The following TLE2 variants were observed in gnomAD, a reference collection of about 807,000 sequenced individuals.
TLE2 encodes transducin-like enhancer protein 2.
Under a neutral mutation model 97.2 loss-of-function variants are expected in TLE2, and 74 were observed. That is an observed-to-expected ratio of 0.76 (90% CI 0.63 to 0.92). The LOEUF is 0.92. TLE2 is among the 40% of genes least tolerant of loss of function. The probability of loss-of-function intolerance (pLI) is 0.00; values close to 1 mark genes in which losing one functional copy is unlikely to be tolerated. For missense variants in TLE2, 1,038 were observed against 1,008.7 expected (o/e 1.03, Z -0.39); for synonymous variants, 499 against 432.1 (o/e 1.15, Z -1.92).
chr19:3,021,139 A>C, intron 5 of TLE2, among the ~76,000 whole-genome samples: 1 of 126,924 alleles, frequency 7.9e-6, no homozygotes, highest in African/African-American at 3.0e-5. Flanking sequence ...GAGCGTGGTG[A>C]CTCACACCTG....
At chr19:2,998,042 A>ACCTCCCGTTCCTG in intron 19 of TLE2, 87 bp from the exon 20 acceptor site, 1 of 918,200 alleles carries the variant, frequency 1.1e-6, no homozygotes, top group Non-Finnish European at 1.7e-6. Context: ...CGGAGTCAGG[A>ACCTCCCGTTCCTG]ACGGGAGGTC....
Position 3,005,601 on chromosome 19 carries a change from C to G in TLE2, c.1749-17G>C. The G allele has an allele frequency of 3.7e-6, 6 of 1,612,474 alleles. No homozygotes were observed. The highest frequency in any genetic ancestry group is 5.1e-6 in the Non-Finnish European group (6 of 1,179,276). The stretch of plus-strand genomic sequence containing the variant: ...TGGAACTGCCTGGAGGGAGAAGGGC[C>G]CAGGCGTCCATCCTGGAATTCGAGC... On this transcript the variant is annotated splice_polypyrimidine_tract_variant and intron_variant, in intron 16 of 19. Coordinates refer to ENST00000262953, the MANE Select transcript of TLE2 (RefSeq NM_003260.5).
In TLE2 at chr19:3,013,779, A is replaced by AG; in HGVS notation, c.762dup (p.Cys255LeufsTer24). 2 of 1,558,052 alleles carry AG rather than the reference A, an allele frequency of 1.3e-6. No homozygotes were observed. Among genetic ancestry groups the AG allele is most frequent in the South Asian group, 1.2e-5 (1 of 82,678 alleles). On this transcript the variant is annotated frameshift_variant, in exon 11 of 20. Coordinates refer to ENST00000262953, the MANE Select transcript of TLE2 (RefSeq NM_003260.5). LOFTEE classifies it high-confidence loss of function. ...GGAATGCAGATGGGTACCTTTCCGC[A>AG]GGGGGTGGTAGCCGGGCTGGGGGGC...
Position 3,006,274 on chromosome 19 carries a change from T to C in TLE2, c.1500+146A>G, listed in dbSNP as rs925017310. 5.7e-5 allele frequency: 75 copies of C among 1,326,376 alleles called. No individual in the cohort carries two copies. The South Asian group carries it at 8.4e-4, about 15-fold the overall frequency. The allele number at this position is 1,326,376 out of a possible 1,614,324, so 82.2% of individuals were successfully genotyped here. A position where few individuals can be genotyped will look rare whatever the true frequency, so the allele number is the denominator to read the frequency against. On this transcript the variant is annotated intron_variant, in intron 15 of 19. Transcript: ENST00000262953. ...CCTTTGGCCTGCAAGCCTTGTCCCA[T>C]GCGACTACGAGCTCCGCCCCTCACC...
rs750921334 is a variant in TLE2, at chr19:3,015,660, C to G, written c.671G>C (p.Gly224Ala). Residue 224 changes from glycine to alanine, a missense_variant, in exon 9 of 20, where the codon GGA becomes GCA. Gly to Ala is a moderately conservative substitution (Grantham distance 60, BLOSUM62 0). Transcript: ENST00000262953. ...GCACCTGCCCCCACTCACATAAGGT[C>G]CTGATGGCTCCTTCTCATCTGCTCT... ...KQRADEKEPS[G>A]PYESDEDKSD... The G allele has an allele frequency of 6.2e-7, 1 of 1,607,598 alleles. No individual in the cohort carries two copies. The highest frequency in any genetic ancestry group is 1.7e-5 in the Admixed American group (1 of 59,248).
At chr19:3,016,348 G>A (rs796398010) in intron 8 of TLE2, among the ~76,000 whole-genome samples, 17 of 149,164 alleles carry the variant, frequency 1.1e-4, no homozygotes, top group African/African-American at 4.1e-4. Flanking sequence ...GGCCGAGGCG[G>A]GCGGATCACA....
intron 18 of TLE2, among the ~76,000 whole-genome samples, chr19:3,001,193 A>C (rs2089349969): frequency 6.6e-6 from 1 of 151,712 alleles, no homozygotes; most frequent in Non-Finnish European, 1.5e-5. Flanking sequence ...GAATCGCTTG[A>C]ACCCAGGACG....
Position 3,002,376 on chromosome 19 carries a change from A to T in TLE2, c.2024T>A (p.Leu675Gln). 1 of 1,613,412 alleles carries T rather than the reference A, an allele frequency of 6.2e-7. No individual in the cohort carries two copies. Among genetic ancestry groups the T allele is most frequent in the Non-Finnish European group, 8.5e-7 (1 of 1,179,734 alleles). ...ACCGCAGGAGGCAAACTTCAGGGAC[A>T]GCACGCAGCTCTCGTGGAGGTGCAG... ...YQLHLHESCV[L>Q]SLKFASCGRW... The change falls in exon 18 of 20, where the codon CTG becomes CAG. Residue 675 changes from leucine (L) to glutamine (Q), a missense_variant. By Grantham distance (113) the Leu-to-Gln change is moderately radical. Coordinates refer to ENST00000262953, the MANE Select transcript of TLE2 (RefSeq NM_003260.5).
intron 8 of TLE2, among the ~76,000 whole-genome samples, chr19:3,017,590 A>G (rs1004863823): frequency 6.6e-6 from 1 of 151,476 alleles, no homozygotes; most frequent in Non-Finnish European, 1.5e-5. Context: ...AGCTGACACA[A>G]CAGGCATGGA....
intron 12 of TLE2, among the ~76,000 whole-genome samples, chr19:3,010,416 C>A (rs904619444): frequency 6.6e-6 from 1 of 151,906 alleles, no homozygotes; most frequent in African/African-American, 2.4e-5. Context: ...CCATTAACAT[C>A]TCAGAAACAT....
chr19:3,037,771 T>C (rs2090072920), intron 1 of TLE2, among the ~76,000 whole-genome samples: 1 of 152,102 alleles, frequency 6.6e-6, no homozygotes, highest in Non-Finnish European at 1.5e-5. Context: ...GGTTTCCTTG[T>C]CTGGAACACA....
chr19:3,015,552 T>A (rs1043211543), intron 9 of TLE2, 101 bp downstream of exon 9: 41 of 900,346 alleles, frequency 4.6e-5, no homozygotes, highest in Non-Finnish European at 7.0e-5. Flanking sequence ...GGCTCCGGAG[T>A]GAGAGAATTA....
chr19:3,044,824 A>G (rs1039313520), intron 1 of TLE2, among the ~76,000 whole-genome samples: 6 of 152,000 alleles, frequency 3.9e-5, no homozygotes, highest in Non-Finnish European at 7.4e-5. Flanking sequence ...AATCAGACAA[A>G]CTCTCTTCGC....
intron 13 of TLE2, 53 bp downstream of exon 13, chr19:3,009,489 C>T (rs1568235587): frequency 6.5e-7 from 1 of 1,528,348 alleles, no homozygotes. Flanking sequence ...TCCTCCCGGC[C>T]CCCAGCCCCT....
intron 17 of TLE2, among the ~76,000 whole-genome samples, chr19:3,004,899 C>G (rs1229151998): frequency 1.3e-5 from 2 of 151,998 alleles, no homozygotes; most frequent in Non-Finnish European, 2.9e-5. Context: ...GGTCACGGTG[C>G]CTGAAGATTC....
At chr19:3,040,907 G>A (rs1821765077) in intron 1 of TLE2, among the ~76,000 whole-genome samples, 1 of 146,848 alleles carries the variant, frequency 6.8e-6, no homozygotes, top group African/African-American at 2.5e-5. Context: ...TAACCCCTGT[G>A]GACCTCCGTT....
At chr19:3,014,313 G>T (rs914582028) in intron 10 of TLE2, among the ~76,000 whole-genome samples, 43 of 152,118 alleles carry the variant, frequency 2.8e-4, no homozygotes, top group African/African-American at 1.0e-3. Flanking sequence ...GAACAGATGG[G>T]GAAAAGTGAG....
intron 1 of TLE2, among the ~76,000 whole-genome samples, chr19:3,037,931 G>A (rs1479341067): frequency 6.6e-6 from 1 of 152,040 alleles, no homozygotes; most frequent in Non-Finnish European, 1.5e-5. Context: ...ACACCAGCCT[G>A]GTCAACGTGG....
intron 13 of TLE2, 27 bp from the exon 14 acceptor site, chr19:3,008,972 T>C: frequency 6.5e-7 from 1 of 1,539,762 alleles, no homozygotes; most frequent in Non-Finnish European, 8.8e-7. Context: ...GGGGTGTCAG[T>C]GAGGCAGGTG....
Sources: allele counts gnomAD v4.1 joint callset (sites outside exome capture counted in the v4.1 genomes callset), GRCh38; gene constraint gnomAD v4.1.1; transcripts MANE v1.5; gene names NCBI Gene and HGNC (gene_info 2026-07-23, HGNC 2026-07-21).